CYP4F12: variants seen among roughly 807,000 people sequenced by gnomAD.
CYP4F12 encodes cytochrome P450 family 4 subfamily F member 12.
Under a neutral mutation model 56.5 loss-of-function variants are expected in CYP4F12, and 60 were observed. That is an observed-to-expected ratio of 1.06 (90% CI 0.86 to 1.32). CYP4F12 has a LOEUF of 1.32. CYP4F12 is among the 40% of genes most tolerant of loss of function. The pLI is 0.00. For synonymous variants in CYP4F12, 263 were observed against 264.9 expected, an observed-to-expected ratio of 0.99 and a Z score of 0.07; for missense variants, 711 against 683.5, an observed-to-expected ratio of 1.04 and a Z score of -0.45.
chr19:15,679,690 A>G (rs1232338515), intron 3 of CYP4F12, among the ~76,000 whole-genome samples: 1 of 152,200 alleles, frequency 6.6e-6, no homozygotes, highest in African/African-American at 2.4e-5. Context: ...AAGGTCTGGG[A>G]GCTAGGGTCT....
chr19:15,679,449 C>CA (rs1361376280), intron 3 of CYP4F12, among the ~76,000 whole-genome samples: 1 of 143,074 alleles, frequency 7.0e-6, no homozygotes, highest in Non-Finnish European at 1.5e-5. Flanking sequence ...TCCGAAAGCT[C>CA]ACCTTACCCC....
At chr19:15,682,150 T>C (rs658822) in intron 5 of CYP4F12, 4,538 of 400,506 alleles carry the variant, frequency 0.011, 20 homozygotes, top group African/African-American at 0.084. Context: ...CAAGGGCACA[T>C]AGAGCATAGG....
chr19:15,694,962 G>A (rs2008050412), intron 9 of CYP4F12, among the ~76,000 whole-genome samples: 1 of 152,096 alleles, frequency 6.6e-6, no homozygotes, highest in South Asian at 2.1e-4. Context: ...CAGGGATCTA[G>A]AACTAGAAAT....
Position 15,678,162 on chromosome 19 carries a change from A to G in CYP4F12, c.199-99A>G, listed in dbSNP as rs1216510076. On this transcript the variant is annotated intron_variant, in intron 2 of 12. Coordinates refer to ENST00000550308, the MANE Select transcript of CYP4F12 (RefSeq NM_023944.4). ...AAACACCCTCACAGACACACACAGC[A>G]ATAATGTTTGACTGGCTATCTGGGC... is the stretch of plus-strand genomic sequence containing the variant. The G allele has an allele frequency of 4.1e-6, 6 of 1,459,736 alleles. No individual in the cohort carries two copies. The African/African-American group carries it at 8.3e-5, about 20-fold the overall frequency. The allele number at this position is 1,459,736 out of a possible 1,614,324, so 90.4% of individuals were successfully genotyped here. A position where few individuals can be genotyped will look rare whatever the true frequency, so the allele number is the denominator to read the frequency against.
intron 9 of CYP4F12, among the ~76,000 whole-genome samples, chr19:15,687,016 G>A (rs1315299984): frequency 6.6e-6 from 1 of 152,230 alleles, no homozygotes; most frequent in Non-Finnish European, 1.5e-5. Context: ...CTTTCCTCAT[G>A]CCTGTAATCC....
In CYP4F12 at chr19:15,678,164, TA is replaced by T. The variant is rs1568415240; in HGVS notation, c.199-95del. On this transcript the variant is annotated intron_variant, in intron 2 of 12. Coordinates refer to ENST00000550308, the MANE Select transcript of CYP4F12 (RefSeq NM_023944.4). ...ACACCCTCACAGACACACACAGCAA[TA>T]ATGTTTGACTGGCTATCTGGGCATC... 2.0e-6 allele frequency: 3 copies of T among 1,474,710 alleles called. No homozygotes were observed. In the African/African-American group the frequency reaches 4.1e-5, roughly 20 times the overall value. 91.4% of individuals were successfully genotyped at this position (1,474,710 alleles called of 1,614,324 possible).
chr19:15,695,759 G>C (rs957490786), intron 9 of CYP4F12, among the ~76,000 whole-genome samples, 177 bp from the exon 10 acceptor site: 9 of 152,052 alleles, frequency 5.9e-5, no homozygotes, highest in Non-Finnish European at 8.8e-5. Context: ...ATTTTCTCTG[G>C]TACTTTTCTA....
In CYP4F12 at chr19:15,688,268, G is replaced by A. The variant is rs529395816; in HGVS notation, c.1115+3071G>A. On this transcript the variant is annotated intron_variant, in intron 9 of 12. Coordinates refer to ENST00000550308, the MANE Select transcript of CYP4F12 (RefSeq NM_023944.4). ...CTCCCTTGTCAAACTCTTCTGTGAG[G>A]CAGAGGCAGTTATACTCACCTCTGG... 6.6e-5 allele frequency among the ~76,000 whole-genome samples: 10 copies of A among 152,066 alleles called. No individual in the cohort carries two copies. The South Asian group carries it at 2.1e-3, about 32-fold the overall frequency.
Position 15,695,334 on chromosome 19 carries a change from C to T in CYP4F12, c.1116-602C>T, listed in dbSNP as rs545874603. ...CACATGGACACAGGAAGGGGAACAT[C>T]ACACTCTGGGGACTGTTGTGGGGTG... On this transcript the variant is annotated intron_variant, in intron 9 of 12. Coordinates refer to ENST00000550308, the MANE Select transcript of CYP4F12 (RefSeq NM_023944.4). Among the ~76,000 whole-genome samples, 1,032 of 123,220 alleles carry T rather than the reference C, an allele frequency of 8.4e-3. 12 individuals carry two copies. Among genetic ancestry groups the T allele is most frequent in the African/African-American group, 0.031 (976 of 31,086 alleles). 80.8% of individuals were successfully genotyped at this position (123,220 alleles called of 152,430 possible). A position where few individuals can be genotyped will look rare whatever the true frequency, so the allele number is the denominator to read the frequency against.
In CYP4F12 at chr19:15,683,637, T is replaced by C. The variant is rs58642948; in HGVS notation, c.792T>C (p.His264=). The C allele has an allele frequency of 2.8e-3, 4,569 of 1,612,772 alleles. 2 individuals are homozygous for C. The African/African-American group carries it at 0.055, about 19-fold the overall frequency. The change falls in exon 7 of 13, where the codon CAT becomes CAC. Residue 264 remains histidine, a synonymous_variant. Transcript: ENST00000550308. ...TCCACAGGGCCTGCCGCCTGGTGCA[T>C]GACTTCACAGACGCTGTCATCCGGG... ...RRFHRACRLV[H]DFTDAVIRER... is the part of the protein sequence containing the mutation.
chr19:15,694,552 T>G (rs60976188), intron 9 of CYP4F12, among the ~76,000 whole-genome samples: 1 of 151,662 alleles, frequency 6.6e-6, no homozygotes, highest in African/African-American at 2.4e-5. Context: ...ATCCTGAGAC[T>G]TTGCTGAAGT....
intron 9 of CYP4F12, among the ~76,000 whole-genome samples, chr19:15,691,350 G>C (rs971493999): frequency 6.6e-6 from 1 of 152,198 alleles, no homozygotes; most frequent in Non-Finnish European, 1.5e-5. Context: ...ATCACTGCAG[G>C]ACAAATTCCC....
At chr19:15,682,957 A>C (rs113247569) in intron 6 of CYP4F12, among the ~76,000 whole-genome samples, 2 of 152,116 alleles carry the variant, frequency 1.3e-5, no homozygotes, top group Non-Finnish European at 2.9e-5. Flanking sequence ...GGCTGGTCTC[A>C]AATTCCTGAC....
At chr19:15,682,330 T>A in intron 5 of CYP4F12, 59 bp from the exon 6 acceptor site, 1 of 1,598,330 alleles carries the variant, frequency 6.3e-7, no homozygotes, top group Non-Finnish European at 8.5e-7. Flanking sequence ...TGTTTGGGAC[T>A]GGGGAGGGGC....
In CYP4F12 at chr19:15,682,160, G is replaced by A. The variant is rs561710048; in HGVS notation, c.526-229G>A. ...TTGACCAAGGGCACATAGAGCATAG[G>A]AGACAGAGCTGAGACTTGAATGCAG... On this transcript the variant is annotated intron_variant, in intron 5 of 12. Coordinates refer to ENST00000550308, the MANE Select transcript of CYP4F12 (RefSeq NM_023944.4). 21 of 452,182 alleles carry A rather than the reference G, an allele frequency of 4.6e-5. 2 individuals are homozygous for A. Among genetic ancestry groups the A allele is most frequent in the African/African-American group, 4.0e-4 (20 of 50,480 alleles). 28.0% of individuals were successfully genotyped at this position (452,182 alleles called of 1,614,324 possible). A position where few individuals can be genotyped will look rare whatever the true frequency, so the allele number is the denominator to read the frequency against.
intron 3 of CYP4F12, 127 bp downstream of exon 3, chr19:15,678,532 CAT>C: frequency 2.4e-6 from 3 of 1,266,606 alleles, no homozygotes; most frequent in Non-Finnish European, 3.3e-6. Flanking sequence ...CTTCTCCCTC[CAT>C]TGCCATCTGC....
At chr19:15,695,206 C>A (rs1185848026) in intron 9 of CYP4F12, among the ~76,000 whole-genome samples, 6 of 151,980 alleles carry the variant, frequency 3.9e-5, no homozygotes, top group Non-Finnish European at 8.8e-5. Flanking sequence ...CTTGTAGGGA[C>A]ATGGATGAAA....
intron 7 of CYP4F12, 50 bp from the exon 8 acceptor site, chr19:15,684,766 G>C: frequency 2.1e-6 from 1 of 469,750 alleles, no homozygotes; most frequent in Non-Finnish European, 3.6e-6. Flanking sequence ...TTGTGTGTGT[G>C]TGTGTGTGTG....
rs772391218 is a variant in CYP4F12 at position 15,680,272 on chromosome 19, C to T, written c.372C>T (p.Phe124=). Residue 124 remains phenylalanine, a synonymous_variant, in exon 4 of 13, where the codon TTC becomes TTT. Transcript: ENST00000550308. ...CCATTGCACCCAAGGATAATCTCTT[C>T]ATCAGGTTCCTGAAGCCCTGGCTGG... ...SAAIAPKDNL[F]IRFLKPWLGE... The T allele has an allele frequency of 8.1e-6, 13 of 1,610,360 alleles. No homozygotes were observed. The highest frequency in any genetic ancestry group is 8.0e-5 in the African/African-American group (6 of 74,886).
Sources: gnomAD v4.1 joint callset for allele counts (sites outside exome capture counted in the v4.1 genomes callset) on GRCh38, gnomAD v4.1.1 for gene constraint, MANE v1.5 for transcripts, NCBI Gene and HGNC (gene_info 2026-07-23, HGNC 2026-07-21) for gene names.